Variants in SLC25A13 observed in about 807,000 individuals in gnomAD.
The protein encoded by SLC25A13 is electrogenic aspartate/glutamate antiporter SLC25A13, mitochondrial.
In SLC25A13, 70 loss-of-function variants were observed where a neutral mutation model predicts 85.5. That is an observed-to-expected ratio of 0.82 (90% CI 0.68 to 1.00). The LOEUF (loss-of-function observed/expected upper bound fraction) is 1.00. Among genes scored for constraint, SLC25A13 ranks in the 50% least tolerant of loss-of-function variants. The pLI is 0.00. For synonymous variants in SLC25A13, 259 were observed against 288.7 expected (o/e 0.90, Z 1.04); for missense variants, 765 against 819.8 (o/e 0.93, Z 0.82).
intron 4 of SLC25A13, among the ~76,000 whole-genome samples, chr7:96,231,532 C>A (rs1796539143): frequency 6.6e-6 from 1 of 152,072 alleles, no homozygotes; most frequent in Admixed American, 6.6e-5. Context: ...TGAGACCATC[C>A]TGACCAATAT....
chr7:96,177,289 C>T (rs1054824284), intron 11 of SLC25A13, among the ~76,000 whole-genome samples: 1 of 152,188 alleles, frequency 6.6e-6, no homozygotes, highest in Non-Finnish European at 1.5e-5. Context: ...GCCCTGTATA[C>T]TTTGGGCAAG....
chr7:96,122,077 G>A (rs1002736536), intron 15 of SLC25A13, 80 bp from the exon 16 acceptor site: 7 of 1,577,712 alleles, frequency 4.4e-6, no homozygotes, highest in South Asian at 1.1e-5. Flanking sequence ...ACTGCTGGCC[G>A]TGGAAAGAAA....
intron 4 of SLC25A13, among the ~76,000 whole-genome samples, chr7:96,229,815 A>G (rs1456570838): frequency 1.3e-5 from 2 of 152,098 alleles, no homozygotes; most frequent in Non-Finnish European, 2.9e-5. Context: ...CAAACATAAG[A>G]AGGAACAAAC....
chr7:96,241,069 A>AGAAAGAAG, intron 3 of SLC25A13, among the ~76,000 whole-genome samples: 1 of 149,932 alleles, frequency 6.7e-6, no homozygotes, highest in African/African-American at 2.5e-5. Context: ...AAAGAAAGAA[A>AGAAAGAAG]GAAAGAAAGA....
intron 2 of SLC25A13, among the ~76,000 whole-genome samples, chr7:96,285,750 G>A (rs1018462757): frequency 3.9e-5 from 6 of 152,162 alleles, no homozygotes; most frequent in Non-Finnish European, 8.8e-5. Flanking sequence ...TTAAGATGTG[G>A]TCATTGTTAT....
At chr7:96,148,937 C>G (rs989703605) in intron 13 of SLC25A13, among the ~76,000 whole-genome samples, 12 of 152,176 alleles carry the variant, frequency 7.9e-5, no homozygotes, top group Non-Finnish European at 1.3e-4. Context: ...CAAGACAGAG[C>G]CTTTACTCCA....
At chr7:96,228,914 G>A (rs1047301074) in intron 4 of SLC25A13, among the ~76,000 whole-genome samples, 35 of 152,256 alleles carry the variant, frequency 2.3e-4, no homozygotes, top group African/African-American at 7.0e-4. Flanking sequence ...CGCTGCACTC[G>A]AATTCTCACC....
intron 9 of SLC25A13, among the ~76,000 whole-genome samples, chr7:96,185,826 T>C (rs1290167009): frequency 7.0e-6 from 1 of 143,076 alleles, no homozygotes; most frequent in Non-Finnish European, 1.5e-5. Flanking sequence ...CGTGAACCCG[T>C]GAGGTGAAGC....
rs868657764 is a variant in SLC25A13 at position 96,170,190 on chromosome 7, T to G, written c.1231-65A>C. On this transcript the variant is annotated intron_variant, in intron 12 of 17. Transcript: ENST00000265631. ...AAGAAAGTCATTAAACACTTATAAA[T>G]ATGCATCTGTCAATATATGCTATTT... 5.1e-6 allele frequency: 7 copies of G among 1,374,496 alleles called. No homozygotes were observed. In the Middle Eastern group the frequency reaches 7.2e-4, roughly 141 times the overall value. The allele number at this position is 1,374,496 out of a possible 1,614,324, so 85.1% of individuals were successfully genotyped here. A position where few individuals can be genotyped will look rare whatever the true frequency, so the allele number is the denominator to read the frequency against.
At chr7:96,293,480 G>C (rs1300627673) in intron 2 of SLC25A13, among the ~76,000 whole-genome samples, 1 of 152,104 alleles carries the variant, frequency 6.6e-6, no homozygotes, top group African/African-American at 2.4e-5. Flanking sequence ...ACAACCATCA[G>C]AGTGAACAGG....
At chr7:96,140,753 GTTT>G (rs61262981) in intron 14 of SLC25A13, among the ~76,000 whole-genome samples, 4 of 125,244 alleles carry the variant, frequency 3.2e-5, no homozygotes, top group Admixed American at 8.1e-5. Context: ...CTTATCTTTT[GTTT>G]TTTTTTTTTT....
Position 96,230,506 on chromosome 7 carries a change from T to C in SLC25A13, c.328+4296A>G, listed in dbSNP as rs575365245. Among the ~76,000 whole-genome samples the C allele has an allele frequency of 2.8e-4, 43 of 152,326 alleles. 1 individual carries two copies. Among genetic ancestry groups the C allele is most frequent in the Middle Eastern group, 3.4e-3 (1 of 294 alleles). ...TTTAAAAAATCACTGTCACATACAA[T>C]AGGCTAAAAATACAAATGGAAACAT... is the stretch of plus-strand genomic sequence containing the variant. On this transcript the variant is annotated intron_variant, in intron 4 of 17. Coordinates refer to ENST00000265631, the MANE Select transcript of SLC25A13 (RefSeq NM_014251.3).
Position 96,121,655 on chromosome 7 carries a change from A to G in SLC25A13, c.1841T>C (p.Val614Ala). The G allele has an allele frequency of 1.2e-6, 2 of 1,613,986 alleles. No homozygotes were observed. The highest frequency in any genetic ancestry group is 1.1e-5 in the South Asian group (1 of 91,076). ...GCAGCAGATTTAGCATGATACTTAC[A>G]CTCCTCCAAAATCAATGTAGAACCA... ...QRWFYIDFGG[V>A]KPMGSEPVPK... Residue 614 changes from valine to alanine, a missense_variant and splice_region_variant, in exon 17 of 18, where the codon GTA becomes GCA. Transcript: ENST00000265631.
chr7:96,301,323 T>G (rs1799540838), intron 1 of SLC25A13, among the ~76,000 whole-genome samples: 1 of 152,216 alleles, frequency 6.6e-6, no homozygotes, highest in African/African-American at 2.4e-5. Flanking sequence ...CATTTTTTTC[T>G]CATATATTAA....
intron 5 of SLC25A13, among the ~76,000 whole-genome samples, chr7:96,204,889 G>A (rs768984516): frequency 1.3e-5 from 2 of 152,164 alleles, no homozygotes; most frequent in Middle Eastern, 3.4e-3. Flanking sequence ...AAAAAATACC[G>A]AGTTTTAGGT....
chr7:96,312,958 A>G (rs1800000720), intron 1 of SLC25A13, among the ~76,000 whole-genome samples: 1 of 152,226 alleles, frequency 6.6e-6, no homozygotes, highest in African/African-American at 2.4e-5. Context: ...TGTCTCTCCT[A>G]TCTGCCCATA....
intron 2 of SLC25A13, among the ~76,000 whole-genome samples, chr7:96,279,256 T>C (rs528533917): frequency 6.6e-5 from 10 of 152,332 alleles, no homozygotes; most frequent in African/African-American, 2.2e-4. Flanking sequence ...CAGTTTGATA[T>C]TTTTATATAA....
chr7:96,152,697 G>A (rs1168315462), intron 13 of SLC25A13, among the ~76,000 whole-genome samples: 3 of 152,148 alleles, frequency 2.0e-5, no homozygotes, highest in African/African-American at 7.2e-5. Context: ...TAGATAAGGT[G>A]GGAGGATGAA....
intron 4 of SLC25A13, among the ~76,000 whole-genome samples, chr7:96,217,626 T>A (rs1795944433): frequency 6.6e-6 from 1 of 152,044 alleles, no homozygotes; most frequent in South Asian, 2.1e-4. Context: ...AAGAAACCAA[T>A]CATGAAAGCC....
Sources: allele counts gnomAD v4.1 joint callset (sites outside exome capture counted in the v4.1 genomes callset), GRCh38; gene constraint gnomAD v4.1.1; transcripts MANE v1.5; gene names NCBI Gene and HGNC (gene_info 2026-07-23, HGNC 2026-07-21).